Variants in PIGL observed in about 807,000 individuals in gnomAD.
PIGL encodes N-acetylglucosaminyl-phosphatidylinositol de-N-acetylase.
Under a neutral mutation model 31.1 loss-of-function variants are expected in PIGL, and 22 were observed. The observed-to-expected ratio is 0.71, with a 90% CI of 0.51 to 1.01. The LOEUF is 1.01. Ranked by LOEUF, PIGL falls within the 50% of genes least tolerant of loss-of-function variation. PIGL has a pLI of 0.00. For missense variants in PIGL, 302 were observed against 315.9 expected (o/e 0.96, Z 0.33); for synonymous variants, 131 against 117.4 (o/e 1.12, Z -0.75).
intron 2 of PIGL, among the ~76,000 whole-genome samples, chr17:16,288,603 G>A (rs1217353449): frequency 2.0e-5 from 3 of 150,288 alleles, no homozygotes; most frequent in South Asian, 2.1e-4. Flanking sequence ...GCAATGGCGC[G>A]ATCTTGGCTC....
At chr17:16,282,099 T>C in intron 2 of PIGL, 1 of 505,536 alleles carries the variant, frequency 2.0e-6, no homozygotes, top group South Asian at 1.5e-5. Flanking sequence ...TCGAGAATAA[T>C]TCACCCTACA....
intron 3 of PIGL, among the ~76,000 whole-genome samples, chr17:16,306,522 C>CT (rs34479966): frequency 0.42 from 47,781 of 113,628 alleles, 11,236 homozygotes; most frequent in Non-Finnish European, 0.49. Context: ...GTTATACGAT[C>CT]TTTTTTTTTT....
At chr17:16,251,531 C>A in intron 2 of PIGL, among the ~76,000 whole-genome samples, 1 of 151,654 alleles carries the variant, frequency 6.6e-6, no homozygotes, top group East Asian at 1.9e-4. Flanking sequence ...AAACATTTAG[C>A]CAGAGGAGCT....
At chr17:16,224,278 T>A in intron 1 of PIGL, among the ~76,000 whole-genome samples, 1 of 152,130 alleles carries the variant, frequency 6.6e-6, no homozygotes, top group South Asian at 2.1e-4. Flanking sequence ...ATATGAATAG[T>A]CTTCTGATTG....
intron 3 of PIGL, among the ~76,000 whole-genome samples, chr17:16,305,773 C>G (rs755057613): frequency 6.6e-6 from 1 of 152,172 alleles, no homozygotes; most frequent in Non-Finnish European, 1.5e-5. Context: ...CTAGGGTTTT[C>G]TGCTGTACAG....
chr17:16,299,969 C>T lies in PIGL; in HGVS notation c.417C>T (p.Gly139=). The T allele has an allele frequency of 6.2e-7, 1 of 1,612,550 alleles. No individual in the cohort carries two copies. Among genetic ancestry groups the T allele is most frequent in the Non-Finnish European group, 8.5e-7 (1 of 1,178,616 alleles). Residue 139 remains glycine, a synonymous_variant, in exon 3 of 7, where the codon GGC becomes GGT. Transcript: ENST00000225609. Reference sequence around the variant, plus strand: ...TCCTTCAGCACATAGAAGTGAATGGCATCAATCTGGTAAGGGGGCAGCTCC... The same window carrying T: ...TCCTTCAGCACATAGAAGTGAATGGTATCAATCTGGTAAGGGGGCAGCTCC... ...RVLLQHIEVN[G]INLVVTFDAG...
At chr17:16,246,114 C>T (rs1343602688) in intron 2 of PIGL, among the ~76,000 whole-genome samples, 7 of 151,620 alleles carry the variant, frequency 4.6e-5, no homozygotes, top group South Asian at 4.2e-4. Flanking sequence ...TGAGCCACTG[C>T]GCCCGGTCAT....
intron 2 of PIGL, chr17:16,282,035 A>G (rs1247597129): frequency 1.3e-5 from 7 of 520,304 alleles, no homozygotes; most frequent in Non-Finnish European, 2.8e-5. Context: ...TCAGCAGATC[A>G]GGACTGTAAC....
At chr17:16,316,856 A>C (rs780627866) in intron 5 of PIGL, 144 bp downstream of exon 5, 1 of 1,445,090 alleles carries the variant, frequency 6.9e-7, no homozygotes, top group Non-Finnish European at 9.3e-7. Context: ...TTCCTGACTC[A>C]CCTCAAGGTA....
At chr17:16,271,983 C>T (rs578042516) in intron 2 of PIGL, among the ~76,000 whole-genome samples, 5 of 152,216 alleles carry the variant, frequency 3.3e-5, no homozygotes, top group Admixed American at 6.5e-5. Flanking sequence ...CCTTGGCCCC[C>T]GCAAAGCACT....
intron 2 of PIGL, among the ~76,000 whole-genome samples, chr17:16,279,051 A>G (rs2092906687): frequency 6.6e-6 from 1 of 152,182 alleles, no homozygotes; most frequent in South Asian, 2.1e-4. Flanking sequence ...CACAGTTTCT[A>G]GGGCATCATA....
chr17:16,319,223 C>CA (rs11379081), intron 6 of PIGL, among the ~76,000 whole-genome samples: 55,352 of 82,860 alleles, frequency 0.67, 17,405 homozygotes, highest in Middle Eastern at 0.79. Flanking sequence ...AGACCCTAGC[C>CA]AAAAAAAAAA....
chr17:16,256,655 T>C (rs868279194), intron 2 of PIGL, among the ~76,000 whole-genome samples: 11 of 151,612 alleles, frequency 7.3e-5, no homozygotes, highest in African/African-American at 2.7e-4. Flanking sequence ...CAGCCGTTTT[T>C]CACCCTTTAT....
intron 3 of PIGL, among the ~76,000 whole-genome samples, chr17:16,302,525 C>T (rs1008891429): frequency 3.9e-5 from 6 of 152,112 alleles, no homozygotes; most frequent in African/African-American, 1.4e-4. Context: ...TACTCTCTGT[C>T]CTCCCCTACT....
chr17:16,314,401 T>G (rs1396142349), intron 4 of PIGL, among the ~76,000 whole-genome samples: 1 of 152,200 alleles, frequency 6.6e-6, no homozygotes, highest in Non-Finnish European at 1.5e-5. Context: ...CACCAACCAT[T>G]AAGTCCAATC....
intron 2 of PIGL, among the ~76,000 whole-genome samples, chr17:16,266,014 G>A (rs189105171): frequency 2.0e-4 from 31 of 152,148 alleles, no homozygotes; most frequent in African/African-American, 7.2e-4. Flanking sequence ...AGAAGTGAGA[G>A]GACATGTCTG....
At chr17:16,275,927 G>A (rs1050006041) in intron 2 of PIGL, among the ~76,000 whole-genome samples, 6 of 152,092 alleles carry the variant, frequency 3.9e-5, no homozygotes, top group Admixed American at 6.5e-5. Flanking sequence ...AAGAGGCTGC[G>A]GCAGGAGAAT....
chr17:16,302,748 C>T (rs141438775), intron 3 of PIGL, among the ~76,000 whole-genome samples: 11 of 151,974 alleles, frequency 7.2e-5, no homozygotes, highest in African/African-American at 1.7e-4. Context: ...TACAGGTGCG[C>T]GCCACCACGC....
At chr17:16,238,381 T>C (rs2092708488) in intron 2 of PIGL, among the ~76,000 whole-genome samples, 1 of 150,672 alleles carries the variant, frequency 6.6e-6, no homozygotes, top group Non-Finnish European at 1.5e-5. Context: ...TAACCCCAAA[T>C]GACAAAATAT....
Sources: allele counts gnomAD v4.1 joint callset (sites outside exome capture counted in the v4.1 genomes callset), GRCh38; gene constraint gnomAD v4.1.1; transcripts MANE v1.5; gene names NCBI Gene and HGNC (gene_info 2026-07-23, HGNC 2026-07-21).